The following PPM1L variants were observed in gnomAD, a reference collection of about 807,000 sequenced individuals.
PPM1L encodes the protein protein phosphatase 1L.
A neutral mutation model predicts 31.4 loss-of-function variants in PPM1L; 13 were observed. The ratio of observed to expected loss-of-function variants is 0.41; its 90% CI spans 0.27 to 0.66. The LOEUF is 0.66. Ranked by LOEUF, PPM1L falls within the 30% of genes least tolerant of loss-of-function variation. The pLI, the probability that PPM1L is intolerant of heterozygous loss-of-function variation, is 0.29. For missense variants in PPM1L, 326 were observed against 453.7 expected, an observed-to-expected ratio of 0.72 and a Z score of 2.56; for synonymous variants, 184 against 175.4, an observed-to-expected ratio of 1.05 and a Z score of -0.39.
intron 1 of PPM1L, among the ~76,000 whole-genome samples, chr3:160,947,855 A>G (rs887855551): frequency 2.0e-5 from 3 of 152,216 alleles, no homozygotes; most frequent in Non-Finnish European, 4.4e-5. Flanking sequence ...TTTAGACACT[A>G]GGAAACAACC....
At chr3:160,903,819 G>A (rs1713649502) in intron 1 of PPM1L, among the ~76,000 whole-genome samples, 1 of 139,596 alleles carries the variant, frequency 7.2e-6, no homozygotes, top group Non-Finnish European at 1.6e-5. Flanking sequence ...ACAAGTCAAA[G>A]GGAAATGATA....
At chr3:160,880,305 C>G (rs13092102) in intron 1 of PPM1L, among the ~76,000 whole-genome samples, 56,699 of 151,892 alleles carry the variant, frequency 0.37, 13,508 homozygotes, top group Non-Finnish European at 0.54. Flanking sequence ...TTTTCAGATT[C>G]ACAACCAATT....
chr3:160,834,119 G>T (rs559337501), intron 1 of PPM1L, among the ~76,000 whole-genome samples: 2 of 151,320 alleles, frequency 1.3e-5, no homozygotes, highest in South Asian at 2.1e-4. Flanking sequence ...CGCCTCCTGG[G>T]TTCACGCCAT....
intron 1 of PPM1L, among the ~76,000 whole-genome samples, chr3:160,894,523 AAAG>A (rs2108048756): frequency 6.6e-6 from 1 of 152,308 alleles, no homozygotes; most frequent in Admixed American, 6.5e-5. Flanking sequence ...AATTTTTAGG[AAAG>A]AAGGACTCCT....
chr3:160,836,625 C>T (rs1278796318), intron 1 of PPM1L, among the ~76,000 whole-genome samples: 3 of 152,232 alleles, frequency 2.0e-5, no homozygotes, highest in Non-Finnish European at 4.4e-5. Context: ...ATCCCCCTCC[C>T]CCATCTAGGT....
chr3:161,031,698 G>A (rs527292805), intron 2 of PPM1L, among the ~76,000 whole-genome samples: 1 of 151,866 alleles, frequency 6.6e-6, no homozygotes, highest in Admixed American at 6.6e-5. Flanking sequence ...GTGGAGACAG[G>A]TCTCGCTGTG....
intron 1 of PPM1L, among the ~76,000 whole-genome samples, chr3:160,841,746 C>T (rs1342905648): frequency 6.6e-6 from 1 of 152,126 alleles, no homozygotes; most frequent in Admixed American, 6.6e-5. Flanking sequence ...GTTACACTCT[C>T]CTGGCTTGAT....
chr3:161,053,801 C>A (rs924771965), intron 2 of PPM1L, among the ~76,000 whole-genome samples: 2 of 152,092 alleles, frequency 1.3e-5, no homozygotes, highest in African/African-American at 4.8e-5. Context: ...CCAAAGTATA[C>A]CTAAATCTAG....
At chr3:161,058,542 T>G (rs953259088) in intron 2 of PPM1L, among the ~76,000 whole-genome samples, 2 of 140,064 alleles carry the variant, frequency 1.4e-5, no homozygotes, top group Admixed American at 1.4e-4. Flanking sequence ...TGGGGTTTCA[T>G]GGAAAAGAAA....
intron 1 of PPM1L, among the ~76,000 whole-genome samples, chr3:160,935,313 C>G (rs895895694): frequency 6.6e-6 from 1 of 152,216 alleles, no homozygotes; most frequent in African/African-American, 2.4e-5. Context: ...TTGCTCTTAT[C>G]TCCACCCTAA....
At chr3:161,052,903 C>T (rs1290736235) in intron 2 of PPM1L, among the ~76,000 whole-genome samples, 1 of 152,174 alleles carries the variant, frequency 6.6e-6, no homozygotes, top group Non-Finnish European at 1.5e-5. Context: ...CTCTGCCTTT[C>T]TCCTCTCTGC....
chr3:160,994,660 G>A (rs927300918), intron 2 of PPM1L, among the ~76,000 whole-genome samples: 1 of 152,178 alleles, frequency 6.6e-6, no homozygotes, highest in Non-Finnish European at 1.5e-5. Context: ...CTATGTGCAG[G>A]CATAGTACTA....
At chr3:160,955,739 C>G (rs991763883) in intron 1 of PPM1L, among the ~76,000 whole-genome samples, 5 of 151,756 alleles carry the variant, frequency 3.3e-5, no homozygotes, top group African/African-American at 1.2e-4. Context: ...CAAGCTCCGC[C>G]TCCTGGGTTC....
chr3:161,006,995 C>T lies in PPM1L; in HGVS notation c.574+45085C>T, dbSNP rs927092166. Among the ~76,000 whole-genome samples, 106 of 152,302 alleles carry T rather than the reference C, an allele frequency of 7.0e-4. 2 individuals carry two copies. The highest frequency in any genetic ancestry group is 2.4e-3 in the African/African-American group (100 of 41,566). ...CCGCGCCCGGCCCCCTACCTTCTTT[C>T]CTTTATGCCATTAGGAGAATGTGCC... On this transcript the variant is annotated intron_variant, in intron 2 of 3. Transcript: ENST00000498165.
chr3:160,823,573 A>G (rs193034778), intron 1 of PPM1L, among the ~76,000 whole-genome samples: 2 of 152,080 alleles, frequency 1.3e-5, no homozygotes, highest in East Asian at 3.9e-4. Flanking sequence ...TATAAATTTC[A>G]TTTTTCATTT....
intron 1 of PPM1L, among the ~76,000 whole-genome samples, chr3:160,877,983 C>T (rs1712574813): frequency 6.6e-6 from 1 of 152,290 alleles, no homozygotes; most frequent in South Asian, 2.1e-4. Flanking sequence ...CCTATGTCAG[C>T]AGCTCGATTT....
intron 2 of PPM1L, among the ~76,000 whole-genome samples, chr3:160,976,719 T>C (rs544923249): frequency 5.4e-4 from 82 of 152,332 alleles, no homozygotes; most frequent in African/African-American, 1.9e-3. Flanking sequence ...TTGGTGGTGA[T>C]ATCCCCTTTA....
intron 1 of PPM1L, among the ~76,000 whole-genome samples, chr3:160,762,583 T>G (rs914535001): frequency 6.6e-6 from 1 of 152,188 alleles, no homozygotes; most frequent in South Asian, 2.1e-4. Context: ...ATAGCAGAGT[T>G]ACAAGATGCC....
At chr3:160,917,133 T>C (rs996750148) in intron 1 of PPM1L, among the ~76,000 whole-genome samples, 2 of 152,226 alleles carry the variant, frequency 1.3e-5, no homozygotes, top group African/African-American at 4.8e-5. Flanking sequence ...CAACTTCATG[T>C]AATTTATCAT....
Sources: gnomAD v4.1 joint callset for allele counts (sites outside exome capture counted in the v4.1 genomes callset) on GRCh38, gnomAD v4.1.1 for gene constraint, MANE v1.5 for transcripts, NCBI Gene and HGNC (gene_info 2026-07-23, HGNC 2026-07-21) for gene names.